MAF: variants seen among roughly 807,000 people sequenced by gnomAD.
MAF encodes the protein transcription factor Maf.
A neutral mutation model predicts 22.0 loss-of-function variants in MAF; 10 were observed. The ratio of observed to expected loss-of-function variants is 0.45; its 90% CI spans 0.28 to 0.77. MAF has a LOEUF of 0.77. Among genes scored for constraint, MAF ranks in the 30% least tolerant of loss-of-function variants. MAF has a pLI of 0.12. For synonymous variants in MAF, 337 were observed against 255.8 expected, an observed-to-expected ratio of 1.32 and a Z score of -3.03; for missense variants, 544 against 548.4, an observed-to-expected ratio of 0.99 and a Z score of 0.08.
At chr16:79,335,603 G>A in the MAF span, among the ~76,000 whole-genome samples, 1 of 152,162 alleles carries the variant, frequency 6.6e-6, no homozygotes, top group Non-Finnish European at 1.5e-5. Context: ...GTGAGACAGA[G>A]CAGAGAAGCA....
At chr16:79,255,344 A>G in the MAF span, among the ~76,000 whole-genome samples, 1 of 152,196 alleles carries the variant, frequency 6.6e-6, no homozygotes, top group Non-Finnish European at 1.5e-5. Context: ...TGCAGATGAA[A>G]ATCAGAAGTG....
At chr16:79,477,022 C>T in the MAF span, among the ~76,000 whole-genome samples, 1 of 152,152 alleles carries the variant, frequency 6.6e-6, no homozygotes, top group African/African-American at 2.4e-5. Flanking sequence ...TGAGTCCCAC[C>T]TCAGGGACAT....
chr16:79,355,073 G>C, the MAF span, among the ~76,000 whole-genome samples: 2 of 152,102 alleles, frequency 1.3e-5, no homozygotes, highest in Non-Finnish European at 2.9e-5. Flanking sequence ...GATAAGATTA[G>C]TTTTTCCCCC....
At chr16:79,582,051 T>G (rs1912553537), downstream of MAF, among the ~76,000 whole-genome samples, 1 of 152,216 alleles carries the variant, frequency 6.6e-6, no homozygotes, top group South Asian at 2.1e-4. Context: ...ACTGTCTTAC[T>G]GTTGTCCTGC....
chr16:79,319,567 A>T, the MAF span, among the ~76,000 whole-genome samples: 1 of 152,208 alleles, frequency 6.6e-6, no homozygotes, highest in East Asian at 1.9e-4. Context: ...GTAGGTGGAA[A>T]GGGGCTGGGG....
At chr16:79,542,447 C>G in the MAF span, among the ~76,000 whole-genome samples, 1 of 152,164 alleles carries the variant, frequency 6.6e-6, no homozygotes, top group Admixed American at 6.5e-5. Flanking sequence ...CAACAGGGGT[C>G]AGTGGCCCCA....
At chr16:79,363,460 T>C in the MAF span, among the ~76,000 whole-genome samples, 5 of 152,236 alleles carry the variant, frequency 3.3e-5, no homozygotes, top group African/African-American at 1.2e-4. Flanking sequence ...ACCAATTGTA[T>C]AATATGTTGT....
chr16:79,326,157 T>A, the MAF span, among the ~76,000 whole-genome samples: 1 of 152,228 alleles, frequency 6.6e-6, no homozygotes, highest in African/African-American at 2.4e-5. Context: ...TTATTTTTTA[T>A]AGACTGAAGA....
the MAF span, among the ~76,000 whole-genome samples, chr16:79,282,933 A>G: frequency 3.3e-5 from 5 of 152,134 alleles, no homozygotes; most frequent in African/African-American, 4.8e-5. Flanking sequence ...CATGTTTCAA[A>G]CCCATGAAGC....
At chr16:79,527,082 G>C in the MAF span, among the ~76,000 whole-genome samples, 3 of 152,278 alleles carry the variant, frequency 2.0e-5, no homozygotes, top group East Asian at 5.8e-4. Flanking sequence ...GGGGGAACCT[G>C]GCTTTACAGC....
the MAF span, among the ~76,000 whole-genome samples, chr16:79,287,759 A>G: frequency 6.6e-6 from 1 of 152,130 alleles, no homozygotes; most frequent in African/African-American, 2.4e-5. Flanking sequence ...TCATTCACTC[A>G]TTCATTTATT....
the MAF span, among the ~76,000 whole-genome samples, chr16:79,423,261 G>T: frequency 6.6e-6 from 1 of 152,140 alleles, no homozygotes; most frequent in Non-Finnish European, 1.5e-5. Context: ...TGCTAAATCT[G>T]GTGAACCTGT....
chr16:79,502,976 G>C, the MAF span, among the ~76,000 whole-genome samples: 4 of 151,588 alleles, frequency 2.6e-5, no homozygotes, highest in Admixed American at 1.3e-4. Flanking sequence ...GGATTAAAAA[G>C]CTATCAGCTT....
chr16:79,243,472 T>C, the MAF span, among the ~76,000 whole-genome samples: 1 of 151,862 alleles, frequency 6.6e-6, no homozygotes, highest in African/African-American at 2.4e-5. Flanking sequence ...CCACAAGAAA[T>C]GGATAGATTC....
chr16:79,520,933 G>C, the MAF span, among the ~76,000 whole-genome samples: 33 of 152,288 alleles, frequency 2.2e-4, no homozygotes, highest in South Asian at 4.6e-3. Flanking sequence ...GAAAGAAGGA[G>C]TTACCATCAC....
At chr16:79,214,483 G>A in the MAF span, among the ~76,000 whole-genome samples, 6 of 152,086 alleles carry the variant, frequency 3.9e-5, no homozygotes, top group Non-Finnish European at 5.9e-5. Flanking sequence ...TCAGCTCACT[G>A]CAACCTCCAC....
chr16:79,460,906 A>G, the MAF span, among the ~76,000 whole-genome samples: 3 of 152,178 alleles, frequency 2.0e-5, no homozygotes, highest in African/African-American at 7.2e-5. Context: ...TTCACAACAT[A>G]AAAACATTTT....
At chr16:79,530,429 G>A in the MAF span, among the ~76,000 whole-genome samples, 2 of 152,156 alleles carry the variant, frequency 1.3e-5, no homozygotes, top group East Asian at 1.9e-4. Flanking sequence ...TTGGGAAGCA[G>A]TTTTACTCCA....
the MAF span, among the ~76,000 whole-genome samples, chr16:79,580,559 G>T: frequency 6.6e-6 from 1 of 152,276 alleles, no homozygotes; most frequent in South Asian, 2.1e-4. Context: ...ATGCCAGGGG[G>T]CTTCGAAGGT....
Sources: allele counts gnomAD v4.1 joint callset (sites outside exome capture counted in the v4.1 genomes callset), GRCh38; gene constraint gnomAD v4.1.1; transcripts MANE v1.5; gene names NCBI Gene and HGNC (gene_info 2026-07-23, HGNC 2026-07-21).